The following PTPRM variants were observed in gnomAD, a reference collection of about 807,000 sequenced individuals.
PTPRM encodes the protein receptor-type tyrosine-protein phosphatase mu.
In PTPRM, 47 loss-of-function variants were observed where a neutral mutation model predicts 186.7. The observed-to-expected ratio is 0.25, with a 90% CI of 0.20 to 0.32. The LOEUF is 0.32. Ranked by LOEUF, PTPRM falls within the 10% of genes least tolerant of loss-of-function variation. The pLI is 1.00. For missense variants in PTPRM, 1,494 were observed against 1,865.0 expected, an observed-to-expected ratio of 0.80 and a Z score of 3.66; for synonymous variants, 668 against 674.9, an observed-to-expected ratio of 0.99 and a Z score of 0.16.
At chr18:8,092,155 A>G (rs1003717172) in intron 11 of PTPRM, among the ~76,000 whole-genome samples, 3 of 152,218 alleles carry the variant, frequency 2.0e-5, no homozygotes, top group East Asian at 3.9e-4. Context: ...TGATTTCCCT[A>G]CAAACACTCA....
At chr18:7,640,835 T>C (rs1169237119) in intron 1 of PTPRM, among the ~76,000 whole-genome samples, 1 of 152,156 alleles carries the variant, frequency 6.6e-6, no homozygotes, top group Non-Finnish European at 1.5e-5. Context: ...GAGTAGATTG[T>C]CTACTTAGTT....
chr18:8,010,267 C>A (rs2084442381), intron 7 of PTPRM, among the ~76,000 whole-genome samples: 1 of 152,186 alleles, frequency 6.6e-6, no homozygotes, highest in Non-Finnish European at 1.5e-5. Context: ...TTCCTAAAAT[C>A]TCTTTGGTCA....
intron 1 of PTPRM, among the ~76,000 whole-genome samples, chr18:7,647,784 G>T (rs1321101747): frequency 2.0e-5 from 3 of 152,174 alleles, no homozygotes; most frequent in African/African-American, 7.2e-5. Context: ...AGAATCACCT[G>T]CCAGGAGGAC....
At chr18:7,862,078 C>T (rs186206955) in intron 2 of PTPRM, among the ~76,000 whole-genome samples, 46 of 152,248 alleles carry the variant, frequency 3.0e-4, no homozygotes, top group African/African-American at 9.9e-4. Flanking sequence ...ACACCTTTGG[C>T]AGCCTGGTGG....
At chr18:7,898,195 T>C (rs1227502045) in intron 3 of PTPRM, among the ~76,000 whole-genome samples, 2 of 152,196 alleles carry the variant, frequency 1.3e-5, no homozygotes, top group Non-Finnish European at 2.9e-5. Flanking sequence ...CAAGATAAAG[T>C]TTTTGTAAAT....
intron 1 of PTPRM, among the ~76,000 whole-genome samples, chr18:7,600,866 C>G (rs2037384617): frequency 6.6e-6 from 1 of 152,224 alleles, no homozygotes; most frequent in Non-Finnish European, 1.5e-5. Flanking sequence ...ACCTGGGCCT[C>G]TAGGTGCTGT....
chr18:8,014,012 A>T (rs1402544914), intron 7 of PTPRM, among the ~76,000 whole-genome samples: 1 of 152,198 alleles, frequency 6.6e-6, no homozygotes, highest in Non-Finnish European at 1.5e-5. Flanking sequence ...AACAAATTCA[A>T]GTTAAAATGA....
At chr18:8,112,738 G>T (rs1452493902) in intron 11 of PTPRM, among the ~76,000 whole-genome samples, 1 of 152,156 alleles carries the variant, frequency 6.6e-6, no homozygotes, top group African/African-American at 2.4e-5. Context: ...CAAAGACATT[G>T]GAAGAGGATG....
intron 2 of PTPRM, among the ~76,000 whole-genome samples, chr18:7,822,973 C>T (rs1485830576): frequency 6.6e-6 from 1 of 152,176 alleles, no homozygotes; most frequent in Non-Finnish European, 1.5e-5. Flanking sequence ...TGTTCAGCAG[C>T]ATTCCTGGCC....
At chr18:8,206,502 C>T (rs1416207470) in intron 14 of PTPRM, among the ~76,000 whole-genome samples, 2 of 152,140 alleles carry the variant, frequency 1.3e-5, no homozygotes, top group Non-Finnish European at 2.9e-5. Flanking sequence ...CCCGCCTCAG[C>T]CTCCCAAAGT....
chr18:7,573,523 G>A (rs1004944400), intron 1 of PTPRM, among the ~76,000 whole-genome samples: 1 of 152,176 alleles, frequency 6.6e-6, no homozygotes, highest in African/African-American at 2.4e-5. Context: ...TGGGTGGTCA[G>A]GGTTTGTAGC....
chr18:8,146,020 CTTTTCT>C (rs1485059181), intron 14 of PTPRM, among the ~76,000 whole-genome samples: 1 of 121,320 alleles, frequency 8.2e-6, no homozygotes, highest in Non-Finnish European at 1.6e-5. Context: ...TTATTTCTTT[CTTTTCT>C]TTTTTTTTTT....
intron 23 of PTPRM, among the ~76,000 whole-genome samples, chr18:8,362,341 G>T (rs2148400201): frequency 1.3e-5 from 2 of 152,242 alleles, no homozygotes; most frequent in East Asian, 3.9e-4. Flanking sequence ...AAGGAACTAG[G>T]TACCCTTTAA....
In PTPRM at chr18:7,842,840, ATAG is replaced by A. The variant is rs748161037; in HGVS notation, c.197-45265_197-45263del. 8.3e-4 allele frequency among the ~76,000 whole-genome samples: 60 copies of A among 71,864 alleles called. 1 individual carries two copies. The highest frequency in any genetic ancestry group is 6.8e-3 in the Admixed American group (43 of 6,286). 47.1% of individuals were successfully genotyped at this position (71,864 alleles called of 152,430 possible). On this transcript the variant is annotated intron_variant, in intron 2 of 32. Transcript: ENST00000580170. ...TGTATATATATATGTATATATATATATAGAGAGAGAGAGAGAGAAACATATATA... is the reference window on the plus strand; with the variant it reads ...TGTATATATATATGTATATATATATAAGAGAGAGAGAGAGAAACATATATA...
intron 7 of PTPRM, among the ~76,000 whole-genome samples, chr18:8,045,982 A>G (rs1354647549): frequency 3.3e-5 from 5 of 152,152 alleles, no homozygotes; most frequent in African/African-American, 1.2e-4. Context: ...CTCATCTTGA[A>G]TTGTAATCCT....
intron 26 of PTPRM, chr18:8,376,834 C>T (rs980600067): frequency 2.9e-5 from 14 of 484,602 alleles, no homozygotes; most frequent in African/African-American, 2.0e-4. Flanking sequence ...CAAATTTGCA[C>T]ACTTTTCTGT....
At chr18:7,817,933 A>G (rs998001542) in intron 2 of PTPRM, among the ~76,000 whole-genome samples, 29 of 152,310 alleles carry the variant, frequency 1.9e-4, no homozygotes, top group Admixed American at 1.5e-3. Flanking sequence ...AGAAGAAAAA[A>G]TGTTTCCGTC....
intron 19 of PTPRM, among the ~76,000 whole-genome samples, chr18:8,294,288 T>C: frequency 6.6e-6 from 1 of 151,856 alleles, no homozygotes; most frequent in East Asian, 1.9e-4. Flanking sequence ...CAAAACCAGG[T>C]AGTTTATAAA....
At chr18:8,272,625 C>G (rs1433259107) in intron 19 of PTPRM, among the ~76,000 whole-genome samples, 2 of 152,048 alleles carry the variant, frequency 1.3e-5, no homozygotes, top group African/African-American at 2.4e-5. Context: ...AGATTTTTAT[C>G]TTTTTATTAA....
Sources: gnomAD v4.1 joint callset for allele counts (sites outside exome capture counted in the v4.1 genomes callset) on GRCh38, gnomAD v4.1.1 for gene constraint, MANE v1.5 for transcripts, NCBI Gene and HGNC (gene_info 2026-07-23, HGNC 2026-07-21) for gene names.